The following SPAG16 variants were observed in gnomAD, a reference collection of about 807,000 sequenced individuals.
The protein encoded by SPAG16 is sperm-associated antigen 16 protein.
Under a neutral mutation model 80.4 loss-of-function variants are expected in SPAG16, and 86 were observed. The observed-to-expected ratio is 1.07, with a 90% CI of 0.90 to 1.28. SPAG16 has a LOEUF of 1.28. Among genes scored for constraint, SPAG16 ranks in the 50% most tolerant of loss-of-function variants. The pLI is 0.00. For missense variants in SPAG16, 870 were observed against 765.3 expected, an observed-to-expected ratio of 1.14 and a Z score of -1.61; for synonymous variants, 294 against 265.9, an observed-to-expected ratio of 1.11 and a Z score of -1.03.
At chr2:213,897,659 A>G (rs2077049669) in intron 11 of SPAG16, among the ~76,000 whole-genome samples, 1 of 152,108 alleles carries the variant, frequency 6.6e-6, no homozygotes, top group Non-Finnish European at 1.5e-5. Context: ...AGTGGGTAGC[A>G]TCCCCAGTCA....
intron 15 of SPAG16, among the ~76,000 whole-genome samples, chr2:214,306,763 A>T (rs1289607717): frequency 6.6e-6 from 1 of 152,056 alleles, no homozygotes; most frequent in African/African-American, 2.4e-5. Flanking sequence ...ATGTGCTGCT[A>T]GATTGCCAGT....
At chr2:213,923,014 A>G (rs2078295012) in intron 11 of SPAG16, among the ~76,000 whole-genome samples, 2 of 152,156 alleles carry the variant, frequency 1.3e-5, no homozygotes, top group Admixed American at 6.5e-5. Flanking sequence ...TGGAAGCTCT[A>G]GCAGGTGTGG....
At chr2:213,656,882 A>C (rs971890261) in intron 10 of SPAG16, among the ~76,000 whole-genome samples, 2 of 152,214 alleles carry the variant, frequency 1.3e-5, no homozygotes, top group Non-Finnish European at 2.9e-5. Context: ...GAAGTCTCAG[A>C]AAGAATCTGT....
chr2:213,573,632 C>T (rs1240056030), intron 10 of SPAG16, among the ~76,000 whole-genome samples: 1 of 152,110 alleles, frequency 6.6e-6, no homozygotes, highest in Non-Finnish European at 1.5e-5. Flanking sequence ...TCCTTTAATA[C>T]ATATTTTGTA....
At position 213,468,495 on chromosome 2, in the gene SPAG16, TTATATATAGA is replaced by T. The variant is rs774643714; in HGVS notation, c.943-21459_943-21450del. 2.5e-3 allele frequency among the ~76,000 whole-genome samples: 274 copies of T among 110,540 alleles called. 5 individuals are homozygous for T. The highest frequency in any genetic ancestry group is 4.1e-3 in the Non-Finnish European group (220 of 54,124). The allele number at this position is 110,540 out of a possible 152,430, so 72.5% of individuals were successfully genotyped here. On this transcript the variant is annotated intron_variant, in intron 9 of 15. Coordinates refer to ENST00000331683, the MANE Select transcript of SPAG16 (RefSeq NM_024532.5). ...TTTATATATAGATATATATATGTAT[TTATATATAGA>T]TATATATATATCTATGTATTTATAT... is the stretch of plus-strand genomic sequence containing the variant.
At chr2:214,084,379 G>T (rs1048219893) in intron 13 of SPAG16, among the ~76,000 whole-genome samples, 1 of 151,732 alleles carries the variant, frequency 6.6e-6, no homozygotes, top group African/African-American at 2.4e-5. Flanking sequence ...CCTCCCTTCA[G>T]CACGTAATCT....
In SPAG16 at chr2:214,012,603, T is replaced by G. The variant is rs146057061; in HGVS notation, c.1401-1348T>G. Reference sequence around the variant, plus strand: ...AGCCACAATGCCTGGGCCAACTGACTGATTATTATATTAGGAATGCATTTA... The same window carrying G: ...AGCCACAATGCCTGGGCCAACTGACGGATTATTATATTAGGAATGCATTTA... On this transcript the variant is annotated intron_variant, in intron 12 of 15. Coordinates refer to ENST00000331683, the MANE Select transcript of SPAG16 (RefSeq NM_024532.5). Among the ~76,000 whole-genome samples the G allele has an allele frequency of 1.8e-3, 270 of 152,002 alleles. 2 individuals are homozygous for G. Among genetic ancestry groups the G allele is most frequent in the African/African-American group, 5.8e-3 (240 of 41,502 alleles).
chr2:213,443,002 T>C (rs1455174700), intron 9 of SPAG16, among the ~76,000 whole-genome samples: 4 of 152,172 alleles, frequency 2.6e-5, no homozygotes, highest in African/African-American at 9.6e-5. Context: ...AGGAGACATA[T>C]CTGATAAAGG....
At chr2:213,821,311 T>C (rs1396107932) in intron 10 of SPAG16, among the ~76,000 whole-genome samples, 9 of 152,156 alleles carry the variant, frequency 5.9e-5, no homozygotes, top group Non-Finnish European at 1.5e-5. Flanking sequence ...CAAAATATTC[T>C]TTAACCTATG....
intron 15 of SPAG16, among the ~76,000 whole-genome samples, chr2:214,288,457 C>A (rs1345407291): frequency 2.6e-5 from 4 of 152,092 alleles, no homozygotes; most frequent in Non-Finnish European, 5.9e-5. Context: ...AGTGGGATTG[C>A]TGAATCTTAT....
intron 15 of SPAG16, among the ~76,000 whole-genome samples, chr2:214,210,242 C>T (rs1229788335): frequency 6.6e-6 from 1 of 151,692 alleles, no homozygotes; most frequent in Non-Finnish European, 1.5e-5. Context: ...GTACAATTGA[C>T]CCTCGAACAT....
chr2:214,013,772 C>T (rs1024009196), intron 12 of SPAG16, among the ~76,000 whole-genome samples, 179 bp from the exon 13 acceptor site: 1 of 152,016 alleles, frequency 6.6e-6, no homozygotes. Flanking sequence ...TGCTACTAAT[C>T]GTATAAAGTG....
intron 10 of SPAG16, among the ~76,000 whole-genome samples, chr2:213,762,032 A>G (rs2068693208): frequency 6.6e-6 from 1 of 152,232 alleles, no homozygotes; most frequent in Non-Finnish European, 1.5e-5. Flanking sequence ...CTTGGAATGC[A>G]AGGGTGACTC....
intron 15 of SPAG16, among the ~76,000 whole-genome samples, chr2:214,216,219 C>T (rs1329547274): frequency 6.6e-6 from 1 of 152,058 alleles, no homozygotes; most frequent in Non-Finnish European, 1.5e-5. Context: ...TGGCAAAATA[C>T]ATAAATAGTA....
intron 13 of SPAG16, among the ~76,000 whole-genome samples, chr2:214,083,923 G>C (rs544810706): frequency 6.6e-6 from 1 of 151,968 alleles, no homozygotes; most frequent in East Asian, 1.9e-4. Flanking sequence ...AATTCCTAGT[G>C]TATGCTTACT....
chr2:213,952,982 A>G (rs947292423), intron 12 of SPAG16, among the ~76,000 whole-genome samples: 1 of 152,082 alleles, frequency 6.6e-6, no homozygotes, highest in African/African-American at 2.4e-5. Flanking sequence ...TGGACAGGTA[A>G]ACACATAATT....
intron 11 of SPAG16, among the ~76,000 whole-genome samples, chr2:213,897,462 T>C (rs1451900503): frequency 6.6e-6 from 1 of 152,232 alleles, no homozygotes; most frequent in Non-Finnish European, 1.5e-5. Context: ...CTTGACACTT[T>C]ATGATTTTGT....
chr2:214,304,321 G>A (rs1196865028), intron 15 of SPAG16, among the ~76,000 whole-genome samples: 1 of 152,220 alleles, frequency 6.6e-6, no homozygotes, highest in African/African-American at 2.4e-5. Flanking sequence ...CTGGAAGGTT[G>A]TGGGTTTACC....
chr2:214,122,838 A>G (rs2054288297), intron 14 of SPAG16, among the ~76,000 whole-genome samples: 1 of 151,976 alleles, frequency 6.6e-6, no homozygotes, highest in South Asian at 2.1e-4. Context: ...CTGTCTATCC[A>G]AGGAAATTGG....
Sources: allele counts gnomAD v4.1 joint callset (sites outside exome capture counted in the v4.1 genomes callset), GRCh38; gene constraint gnomAD v4.1.1; transcripts MANE v1.5; gene names NCBI Gene and HGNC (gene_info 2026-07-23, HGNC 2026-07-21).